The following TMEM117 variants were observed in gnomAD, a reference collection of about 807,000 sequenced individuals.
TMEM117 encodes the protein transmembrane protein 117.
A neutral mutation model predicts 52.4 loss-of-function variants in TMEM117; 27 were observed. The ratio of observed to expected loss-of-function variants is 0.51; its 90% confidence interval spans 0.38 to 0.71. The LOEUF is 0.71. Ranked by LOEUF, TMEM117 falls within the 30% of genes least tolerant of loss-of-function variation. TMEM117 has a pLI of 0.00. For synonymous variants in TMEM117, 215 were observed against 206.3 expected (o/e 1.04, Z -0.36); for missense variants, 556 against 630.5 (o/e 0.88, Z 1.26).
Position 44,388,638 on chromosome 12 carries a change from A to AC in TMEM117, c.1514dup (p.Thr506AsnfsTer4). On this transcript the variant is annotated frameshift_variant, in exon 8 of 8. Coordinates refer to ENST00000266534, the MANE Select transcript of TMEM117 (RefSeq NM_032256.3). LOFTEE classifies it high-confidence loss of function. ...ACTAGTGCAACAGAAGCTGATCAAG[A>AC]CCCAACGACTTCTAAAAGTACACCT... 8.1e-6 allele frequency: 13 copies of AC among 1,613,350 alleles called. No homozygotes were observed. Among genetic ancestry groups the AC allele is most frequent in the Non-Finnish European group, 1.1e-5 (13 of 1,179,474 alleles).
intron 1 of TMEM117, among the ~76,000 whole-genome samples, chr12:43,838,619 C>T (rs1943070516): frequency 7.1e-6 from 1 of 140,166 alleles, no homozygotes; most frequent in Non-Finnish European, 1.5e-5. Flanking sequence ...ATTCATCCAT[C>T]AGCAAATATC....
At chr12:44,305,836 A>G (rs976446033) in intron 6 of TMEM117, among the ~76,000 whole-genome samples, 2 of 152,178 alleles carry the variant, frequency 1.3e-5, no homozygotes, top group African/African-American at 2.4e-5. Flanking sequence ...AAGTTGTTCT[A>G]CCAAAAAGAC....
intron 2 of TMEM117, among the ~76,000 whole-genome samples, chr12:43,861,769 T>A (rs2137398382): frequency 6.6e-6 from 1 of 152,304 alleles, no homozygotes; most frequent in East Asian, 1.9e-4. Context: ...GAGGATTGAT[T>A]CTATGCACTA....
At chr12:44,225,616 T>C (rs910436382) in intron 5 of TMEM117, among the ~76,000 whole-genome samples, 2 of 152,198 alleles carry the variant, frequency 1.3e-5, no homozygotes, top group Non-Finnish European at 1.5e-5. Context: ...AATTTTAGTA[T>C]ATAAACATCT....
chr12:44,192,266 G>A (rs994592523), intron 4 of TMEM117, among the ~76,000 whole-genome samples: 4 of 152,252 alleles, frequency 2.6e-5, no homozygotes, highest in East Asian at 1.9e-4. Context: ...TCCTCTGCAC[G>A]TGAGGCTTAG....
chr12:43,994,071 T>A (rs1426653061), intron 3 of TMEM117, among the ~76,000 whole-genome samples: 1 of 152,168 alleles, frequency 6.6e-6, no homozygotes, highest in African/African-American at 2.4e-5. Context: ...TATTTTGATG[T>A]TCTTAATCCT....
chr12:44,299,391 C>T (rs562797653), intron 5 of TMEM117, among the ~76,000 whole-genome samples, 189 bp from the exon 6 acceptor site: 1 of 152,270 alleles, frequency 6.6e-6, no homozygotes, highest in African/African-American at 2.4e-5. Flanking sequence ...CCTTGGGCTC[C>T]CAAAGTTCTG....
At chr12:44,074,434 C>T (rs1006736861) in intron 3 of TMEM117, among the ~76,000 whole-genome samples, 34 of 151,968 alleles carry the variant, frequency 2.2e-4, no homozygotes, top group African/African-American at 7.2e-4. Flanking sequence ...ATTAAATTTA[C>T]GAAGTCTCAG....
intron 3 of TMEM117, among the ~76,000 whole-genome samples, chr12:44,056,098 C>CT (rs1197833060): frequency 4.6e-5 from 7 of 151,486 alleles, no homozygotes; most frequent in Admixed American, 4.0e-4. Context: ...TCTTCTTTTC[C>CT]TTTTTTTCTT....
At chr12:44,106,200 T>C (rs549528354) in intron 3 of TMEM117, among the ~76,000 whole-genome samples, 1 of 152,174 alleles carries the variant, frequency 6.6e-6, no homozygotes, top group East Asian at 1.9e-4. Flanking sequence ...TCTTGGCTTG[T>C]TCACCTTTTT....
chr12:43,977,514 G>A (rs994366583), intron 3 of TMEM117, among the ~76,000 whole-genome samples: 3 of 152,128 alleles, frequency 2.0e-5, no homozygotes, highest in Admixed American at 1.3e-4. Context: ...AAAACTGCGG[G>A]TTTTATGTCT....
intron 5 of TMEM117, among the ~76,000 whole-genome samples, chr12:44,299,332 C>T (rs928165926): frequency 3.3e-5 from 5 of 152,028 alleles, no homozygotes; most frequent in Admixed American, 3.3e-4. Context: ...AGGGATTCAC[C>T]GTGTTGGACA....
intron 5 of TMEM117, among the ~76,000 whole-genome samples, chr12:44,272,436 C>T (rs1359800788): frequency 1.3e-5 from 2 of 151,994 alleles, no homozygotes; most frequent in Admixed American, 6.6e-5. Flanking sequence ...GTGAACAGCC[C>T]ACCTACAGAA....
chr12:43,839,484 G>A (rs1171666053), intron 1 of TMEM117, among the ~76,000 whole-genome samples: 1 of 151,970 alleles, frequency 6.6e-6, no homozygotes, highest in Non-Finnish European at 1.5e-5. Context: ...TCCAAGTTTT[G>A]TTCCCTCTAT....
In TMEM117 at chr12:43,907,225, G is replaced by A. The variant is rs373727860; in HGVS notation, c.278-36985G>A. On this transcript the variant is annotated intron_variant, in intron 2 of 7. Transcript: ENST00000266534. ...GCAGCCTAACTGGGAGGCACCCCCC[G>A]GCAGGAGCAGACTGACACCTCACAC... Among the ~76,000 whole-genome samples, 551 of 150,298 alleles carry A rather than the reference G, an allele frequency of 3.7e-3. 1 individual carries two copies. The highest frequency in any genetic ancestry group is 0.01 in the Middle Eastern group (3 of 292).
chr12:44,253,214 A>G (rs1388278708), intron 5 of TMEM117, among the ~76,000 whole-genome samples: 1 of 152,244 alleles, frequency 6.6e-6, no homozygotes, highest in East Asian at 1.9e-4. Context: ...GAGGGAGCAC[A>G]TATTTAACCT....
chr12:43,902,624 C>G (rs951888546), intron 2 of TMEM117, among the ~76,000 whole-genome samples: 5 of 152,086 alleles, frequency 3.3e-5, no homozygotes. Context: ...TGGAACCAGA[C>G]AGACCATGGT....
chr12:44,242,968 C>G (rs867625733), intron 5 of TMEM117, among the ~76,000 whole-genome samples: 40 of 151,780 alleles, frequency 2.6e-4, no homozygotes, highest in Admixed American at 2.6e-4. Context: ...TGTGTGGTAT[C>G]TCACTGTGGT....
chr12:43,958,422 A>G (rs4768547), intron 3 of TMEM117, among the ~76,000 whole-genome samples: 4 of 152,224 alleles, frequency 2.6e-5, no homozygotes, highest in Admixed American at 6.5e-5. Context: ...CAGAGAATCA[A>G]TTACCAATAT....
Sources: allele counts gnomAD v4.1 joint callset (sites outside exome capture counted in the v4.1 genomes callset), GRCh38; gene constraint gnomAD v4.1.1; transcripts MANE v1.5; gene names NCBI Gene and HGNC (gene_info 2026-07-23, HGNC 2026-07-21).